Variants in PCNX3 observed in about 807,000 individuals in gnomAD.
PCNX3 encodes pecanex-like protein 3.
A neutral mutation model predicts 207.2 loss-of-function variants in PCNX3; 58 were observed. The observed-to-expected ratio is 0.28, with a 90% CI of 0.23 to 0.35. The LOEUF (loss-of-function observed/expected upper bound fraction) is 0.35, where lower values mean the gene tolerates loss of function less well. PCNX3 is among the 10% of genes least tolerant of loss of function. PCNX3 has a pLI of 1.00. For synonymous variants in PCNX3, 1,337 were observed against 1,183.5 expected, an observed-to-expected ratio of 1.13 and a Z score of -2.66; for missense variants, 2,410 against 2,774.4, an observed-to-expected ratio of 0.87 and a Z score of 2.95.
At position 65,630,478 on chromosome 11, in the gene PCNX3, C is replaced by CTGCCCT; in HGVS notation, c.4346_4347insCCCTTG (p.Arg1448_Trp1449insCysPro). 6.2e-7 allele frequency: 1 copy of CTGCCCT among 1,613,640 alleles called. No homozygotes were observed. The highest frequency in any genetic ancestry group is 8.5e-7 in the Non-Finnish European group (1 of 1,179,878). On this transcript the variant is annotated inframe_insertion, in exon 27 of 35. Transcript: ENST00000355703. ...CCTTCAATGCTGCCTTTGGGCAGCGCTGGCTGGCTTGGGAGGTAACAGCCA... is the reference window on the plus strand; with the variant it reads ...CCTTCAATGCTGCCTTTGGGCAGCGCTGCCCTTGGCTGGCTTGGGAGGTAACAGCCA...
Position 65,618,076 on chromosome 11 carries a change from C to T in PCNX3, c.714C>T (p.Ser238=), listed in dbSNP as rs1270865830. The T allele has an allele frequency of 6.2e-7, 1 of 1,607,892 alleles. No individual in the cohort carries two copies. The highest frequency in any genetic ancestry group is 1.3e-5 in the African/African-American group (1 of 74,934). The change falls in exon 6 of 35, where the codon AGC becomes AGT. Residue 238 remains serine, a synonymous_variant. Coordinates refer to ENST00000355703, the MANE Select transcript of PCNX3 (RefSeq NM_032223.4). The part of the protein sequence containing the change: ...SGSSMADTPM[S]PLLKGSLSQE... ...GCAGCATGGCTGACACTCCCATGAG[C>T]CCCCTGCTGAAGGGGAGCCTCAGCC... is the stretch of plus-strand genomic sequence containing the variant.
rs1272362754 is a variant in PCNX3, at chr11:65,626,368, G to A, written c.3379+314G>A. 1.8e-5 allele frequency: 10 copies of A among 561,100 alleles called. 1 individual carries two copies. The highest frequency in any genetic ancestry group is 1.6e-4 in the South Asian group (10 of 63,874). 34.8% of individuals were successfully genotyped at this position (561,100 alleles called of 1,614,324 possible). On this transcript the variant is annotated intron_variant, in intron 20 of 34. Transcript: ENST00000355703. ...GATCTCTTGTCCAGAATTAAACACT[G>A]ATCACCAGTGGACCAGAGCTGCCTG...
chr11:65,619,132 G>T, intron 6 of PCNX3, 65 bp downstream of exon 6: 4 of 1,346,724 alleles, frequency 3.0e-6, no homozygotes, highest in South Asian at 2.7e-5. Context: ...TTGGGCAAAG[G>T]GCAGGTAAGA....
At chr11:65,617,875 C>T (rs1450270477) in intron 5 of PCNX3, 65 bp from the exon 6 acceptor site, 3 of 1,487,846 alleles carry the variant, frequency 2.0e-6, no homozygotes, top group Non-Finnish European at 2.7e-6. Flanking sequence ...TAAGACCTCC[C>T]TTAACCACTA....
rs1854727603 is a variant in PCNX3, at chr11:65,616,377, C to T, written c.66C>T (p.Phe22=). 6.2e-7 allele frequency: 1 copy of T among 1,608,354 alleles called. No individual in the cohort carries two copies. Among genetic ancestry groups the T allele is most frequent in the Non-Finnish European group, 8.5e-7 (1 of 1,178,046 alleles). ...GGGCCTCGCTCACCGGCGGTTGGTT[C>T]TTCGACCCGCACCAGAGCACCTTCT... ...GVWASLTGGW[F]FDPHQSTFSN... The change falls in exon 1 of 35, where the codon TTC becomes TTT. Residue 22 remains phenylalanine (F), a synonymous_variant. Coordinates refer to ENST00000355703, the MANE Select transcript of PCNX3 (RefSeq NM_032223.4).
chr11:65,635,158 G>T lies in PCNX3; in HGVS notation c.4953+38G>T. ...TGTGCCCAGCAGCATGGGCAGGTGGGGGATGAAGCCTCTCTCCAGGGCAGG... is the reference window on the plus strand; with the variant it reads ...TGTGCCCAGCAGCATGGGCAGGTGGTGGATGAAGCCTCTCTCCAGGGCAGG... On this transcript the variant is annotated intron_variant, in intron 30 of 34. Coordinates refer to ENST00000355703, the MANE Select transcript of PCNX3 (RefSeq NM_032223.4). The surrounding 1 kb of genome is among the most constrained non-coding windows in gnomAD (Gnocchi z 9.9). 6.2e-7 allele frequency: 1 copy of T among 1,607,170 alleles called. No homozygotes were observed.
intron 2 of PCNX3, 106 bp from the exon 3 acceptor site, chr11:65,617,144 G>A (rs963723105): frequency 7.1e-7 from 1 of 1,399,332 alleles, no homozygotes; most frequent in Non-Finnish European, 9.8e-7. Flanking sequence ...TGTTAGCCCT[G>A]GAATTGTAAA....
chr11:65,620,473 C>T, intron 9 of PCNX3, 44 bp downstream of exon 9: 2 of 1,593,944 alleles, frequency 1.3e-6, no homozygotes, highest in Non-Finnish European at 1.7e-6. Flanking sequence ...TCTTGGTGGC[C>T]TGCATCTCTG....
At position 65,622,305 on chromosome 11, in the gene PCNX3, C is replaced by T. The variant is rs772740653; in HGVS notation, c.2296C>T (p.Leu766Phe). The T allele has an allele frequency of 8.1e-6, 13 of 1,597,768 alleles. No homozygotes were observed. The highest frequency in any genetic ancestry group is 1.1e-5 in the Non-Finnish European group (13 of 1,173,056). ...CCAGCATAGTTACAAGTACTGGCTTCTCCCTGGCCGCTGGACCTCTGTGCG... is the reference window on the plus strand; with the variant it reads ...CCAGCATAGTTACAAGTACTGGCTTTTCCCTGGCCGCTGGACCTCTGTGCG... ...RAQHSYKYWLLPGRWTSVRYE... is the reference protein window; with the variant it reads ...RAQHSYKYWLFPGRWTSVRYE... Residue 766 changes from leucine to phenylalanine, a missense_variant, in exon 11 of 35, where the codon CTC (leucine) becomes TTC (phenylalanine). By Grantham distance (22) the Leu-to-Phe change is conservative. Transcript: ENST00000355703.
At chr11:65,627,910 C>CT (rs2135456888) in intron 22 of PCNX3, among the ~76,000 whole-genome samples, 1 of 152,324 alleles carries the variant, frequency 6.6e-6, no homozygotes, top group South Asian at 2.1e-4. Context: ...ACGCAGACCT[C>CT]TGAGTTCCAC....
In PCNX3 at chr11:65,616,189, G is replaced by T; in HGVS notation, c.-123G>T. On this transcript the variant is annotated 5_prime_UTR_variant, in exon 1 of 35. Transcript: ENST00000355703. ...CGGCCGAGCCCCCCTCCCCCGCTGGGGGAGGCCATGGCGTGAGCGTGAGGC... is the reference window on the plus strand; with the variant it reads ...CGGCCGAGCCCCCCTCCCCCGCTGGTGGAGGCCATGGCGTGAGCGTGAGGC... 1.4e-6 allele frequency: 1 copy of T among 723,032 alleles called. No individual in the cohort carries two copies. The highest frequency in any genetic ancestry group is 2.0e-6 in the Non-Finnish European group (1 of 509,426). The allele number at this position is 723,032 out of a possible 1,614,324, so 44.8% of individuals were successfully genotyped here. A position where few individuals can be genotyped will look rare whatever the true frequency, so the allele number is the denominator to read the frequency against.
rs865948405 is a variant in PCNX3, at chr11:65,625,347, G to A, written c.3030-58G>A. 5.0e-6 allele frequency: 8 copies of A among 1,592,714 alleles called. No homozygotes were observed. Among genetic ancestry groups the A allele is most frequent in the East Asian group, 4.5e-5 (2 of 44,696 alleles). The stretch of plus-strand genomic sequence containing the variant: ...GGGTTTGTGGTCTGTGCATGTGCCC[G>A]TGACTGGGGCCGGGGGGAAGGAGGG... On this transcript the variant is annotated intron_variant, in intron 17 of 34. Coordinates refer to ENST00000355703, the MANE Select transcript of PCNX3 (RefSeq NM_032223.4). The surrounding 1 kb of genome is among the most constrained non-coding windows in gnomAD (Gnocchi z 5.6).
In PCNX3 at chr11:65,636,781, A is replaced by G. The variant is rs1453015412; in HGVS notation, c.5908A>G (p.Ser1970Gly). 1.5e-5 allele frequency: 23 copies of G among 1,520,432 alleles called. No homozygotes were observed. Among genetic ancestry groups the G allele is most frequent in the Non-Finnish European group, 1.9e-5 (22 of 1,135,852 alleles). The allele number at this position is 1,520,432 out of a possible 1,614,324, so 94.2% of individuals were successfully genotyped here. ...CCTCCCCCAGGCGCCTCTAGACCTC[A>G]GCCTCAGCCTCAGCCTCAGCCTCAG... ...TPKSQAPLDL[S>G]LSLSLSLSPD... is the part of the protein sequence containing the mutation. The change falls in exon 35 of 35, where the codon AGC becomes GGC. Residue 1970 changes from serine to glycine, a missense_variant. By Grantham distance (56) the Ser-to-Gly change is moderately conservative (BLOSUM62 0). Transcript: ENST00000355703.
rs1350133654 is a variant in PCNX3, at chr11:65,623,476, A to C, written c.2358-15A>C. 2.5e-6 allele frequency: 4 copies of C among 1,588,578 alleles called. No individual in the cohort carries two copies. The African/African-American group carries it at 4.0e-5, about 16-fold the overall frequency. On this transcript the variant is annotated splice_polypyrimidine_tract_variant and intron_variant, in intron 11 of 34. Coordinates refer to ENST00000355703, the MANE Select transcript of PCNX3 (RefSeq NM_032223.4). ...GAGGCAAGACGGGCACGCCCTGACT[A>C]GGCTGTCCCTGCAGGACGCGGGGAG...
In PCNX3 at chr11:65,637,316, G is replaced by A. The variant is rs1590913134; in HGVS notation, c.*338G>A. The A allele has an allele frequency of 6.5e-6, 2 of 306,870 alleles. No individual in the cohort carries two copies. The highest frequency in any genetic ancestry group is 1.1e-4 in the East Asian group (2 of 18,132). The allele number at this position is 306,870 out of a possible 1,614,324, so 19.0% of individuals were successfully genotyped here. A position where few individuals can be genotyped will look rare whatever the true frequency, so the allele number is the denominator to read the frequency against. ...ACTGCCTGCAGGTGTGGCCCCCTTG[G>A]CCTGGACCTGGGGCCTGAATTGTGG... On this transcript the variant is annotated 3_prime_UTR_variant, in exon 35 of 35. Coordinates refer to ENST00000355703, the MANE Select transcript of PCNX3 (RefSeq NM_032223.4).
chr11:65,629,521 C>T lies in PCNX3; in HGVS notation c.4002C>T (p.Gly1334=), dbSNP rs750484615. The T allele has an allele frequency of 1.1e-5, 18 of 1,613,426 alleles. No homozygotes were observed. The highest frequency in any genetic ancestry group is 5.3e-5 in the African/African-American group (4 of 74,926). ...RLVTQLDRNP[G]ADDNNLNSIF... ...TTGCCCGTCTGTTCTGGGTCTTAGG[C>T]GCTGATGACAACAACCTCAACTCCA... The change falls in exon 26 of 35, where the codon GGC becomes GGT. Residue 1334 remains glycine, a splice_region_variant and synonymous_variant. Transcript: ENST00000355703.
In PCNX3 at chr11:65,628,842, G is replaced by T; in HGVS notation, c.3835G>T (p.Ala1279Ser). 2 of 1,612,180 alleles carry T rather than the reference G, an allele frequency of 1.2e-6. No individual in the cohort carries two copies. Among genetic ancestry groups the T allele is most frequent in the South Asian group, 1.1e-5 (1 of 91,046 alleles). ...AGACTCGGCCATGCTGTTCGTCCAGGCCCTGCTCTCGGGGCTCTTCTCCAC... is the reference window on the plus strand; with the variant it reads ...AGACTCGGCCATGCTGTTCGTCCAGTCCCTGCTCTCGGGGCTCTTCTCCAC... ...VPHSAMLFVQ[A>S]LLSGLFSTPL... Residue 1279 changes from alanine (A) to serine (S), a missense_variant, in exon 24 of 35, where the codon GCC (alanine) becomes TCC (serine). Ala to Ser is a moderately conservative substitution (Grantham distance 99, BLOSUM62 1). Coordinates refer to ENST00000355703, the MANE Select transcript of PCNX3 (RefSeq NM_032223.4).
chr11:65,626,848 C>T (rs775987714), intron 20 of PCNX3, 56 bp from the exon 21 acceptor site: 1 of 1,554,510 alleles, frequency 6.4e-7, no homozygotes, highest in Non-Finnish European at 8.7e-7. Context: ...GAAGGACTTC[C>T]TCAGGGAAGG....
chr11:65,619,573 G>C lies in PCNX3; in HGVS notation c.1742G>C (p.Ser581Thr). 1 of 1,609,622 alleles carries C rather than the reference G, an allele frequency of 6.2e-7. No homozygotes were observed. Among genetic ancestry groups the C allele is most frequent in the Non-Finnish European group, 8.5e-7 (1 of 1,179,348 alleles). The change falls in exon 7 of 35, where the codon AGT (serine) becomes ACT (threonine). Residue 581 changes from serine (S) to threonine (T), a missense_variant. Physicochemically the swap from Ser to Thr is moderately conservative, Grantham distance 58. Transcript: ENST00000355703. ...EETGRRDRSS[S>T]VRRTQAIRRR... ...ACTGGCAGGCGGGACCGCTCAAGCA[G>C]TGTGAGGCGGACCCAGGCCATTCGG...
Sources: allele counts gnomAD v4.1 joint callset (sites outside exome capture counted in the v4.1 genomes callset), GRCh38; gene constraint gnomAD v4.1.1; non-coding constraint Gnocchi (gnomAD v3.1); transcripts MANE v1.5; gene names NCBI Gene and HGNC (gene_info 2026-07-23, HGNC 2026-07-21).